The following DACH1 variants were observed in gnomAD, a reference collection of about 807,000 sequenced individuals.
The protein encoded by DACH1 is dachshund family transcription factor 1, also known as dachshund homolog 1.
DACH1 carries 12 observed loss-of-function variants against 54.2 expected under a neutral mutation model. The ratio of observed to expected loss-of-function variants is 0.22; its 90% CI spans 0.14 to 0.36. The LOEUF is 0.36. DACH1 is among the 10% of genes least tolerant of loss of function. The probability of loss-of-function intolerance (pLI) is 1.00; values close to 1 mark genes in which losing one functional copy is unlikely to be tolerated. For missense variants in DACH1, 805 were observed against 929.8 expected, an observed-to-expected ratio of 0.87 and a Z score of 1.75; for synonymous variants, 386 against 366.2, an observed-to-expected ratio of 1.05 and a Z score of -0.62.
intron 1 of DACH1, among the ~76,000 whole-genome samples, chr13:71,745,783 C>T (rs1242279120): frequency 6.6e-6 from 1 of 152,118 alleles, no homozygotes; most frequent in Non-Finnish European, 1.5e-5. Flanking sequence ...GTACTCAATC[C>T]CAATAAAACT....
intron 2 of DACH1, among the ~76,000 whole-genome samples, chr13:71,652,839 A>C (rs778197385): frequency 6.6e-6 from 1 of 152,150 alleles, no homozygotes; most frequent in Non-Finnish European, 1.5e-5. Flanking sequence ...CCATAGCATA[A>C]ACGTTAACTT....
intron 6 of DACH1, among the ~76,000 whole-genome samples, chr13:71,496,497 G>C (rs958501171): frequency 6.6e-6 from 1 of 151,590 alleles, no homozygotes; most frequent in Admixed American, 6.6e-5. Flanking sequence ...TCATTTATAA[G>C]TGGGAGCTAA....
intron 6 of DACH1, among the ~76,000 whole-genome samples, chr13:71,522,637 C>T (rs1881687378): frequency 6.6e-6 from 1 of 152,002 alleles, no homozygotes; most frequent in Admixed American, 6.6e-5. Context: ...TCACTATAAT[C>T]TCTATTTCAT....
intron 1 of DACH1, among the ~76,000 whole-genome samples, chr13:71,819,641 C>A (rs895720016): frequency 6.6e-6 from 1 of 152,108 alleles, no homozygotes; most frequent in Non-Finnish European, 1.5e-5. Context: ...TGTACACATT[C>A]CATTCTCCAC....
chr13:71,497,148 C>G (rs1015336687), intron 6 of DACH1, among the ~76,000 whole-genome samples: 1 of 151,812 alleles, frequency 6.6e-6, no homozygotes, highest in African/African-American at 2.4e-5. Flanking sequence ...TAGTTTAAAT[C>G]CAATTAGATT....
Position 71,559,836 on chromosome 13 carries a change from G to C in DACH1, c.1419C>G (p.Ser473Arg), listed in dbSNP as rs1326143765. Residue 473 changes from serine to arginine, a missense_variant, in exon 5 of 11, where the codon AGC becomes AGG. Ser to Arg is a moderately radical substitution (Grantham distance 110). This residue lies in a region of DACH1 where 472 missense variants were observed against 545.3 expected (regional missense o/e 0.87). Transcript: ENST00000613252. ...SVSSSPARTE[S>R]SSDRIPVHQN... The stretch of plus-strand genomic sequence containing the variant: ...GAGACCTACGGATTCTGTCAGAAGA[G>C]CTCTCAGTCCGAGCAGGGGAGCTGG... 6.2e-7 allele frequency: 1 copy of C among 1,613,690 alleles called. No individual in the cohort carries two copies. The highest frequency in any genetic ancestry group is 8.5e-7 in the Non-Finnish European group (1 of 1,179,932).
chr13:71,479,385 C>T, intron 7 of DACH1, 69 bp from the exon 8 acceptor site: 2 of 1,507,704 alleles, frequency 1.3e-6, no homozygotes, highest in Non-Finnish European at 9.0e-7. Flanking sequence ...TACTTAAAAG[C>T]ATTTTCAAAG....
chr13:71,461,190 A>G (rs1328183434), intron 10 of DACH1, among the ~76,000 whole-genome samples: 1 of 152,056 alleles, frequency 6.6e-6, no homozygotes, highest in Non-Finnish European at 1.5e-5. Flanking sequence ...CCTTTGCAAT[A>G]TTTATACCAC....
At chr13:71,711,467 A>G (rs1198290029) in intron 1 of DACH1, among the ~76,000 whole-genome samples, 1 of 152,128 alleles carries the variant, frequency 6.6e-6, no homozygotes, top group African/African-American at 2.4e-5. Flanking sequence ...GTCATAAACT[A>G]CTTTTTATCT....
At chr13:71,615,626 C>A (rs1875702374) in intron 3 of DACH1, among the ~76,000 whole-genome samples, 1 of 152,194 alleles carries the variant, frequency 6.6e-6, no homozygotes, top group Non-Finnish European at 1.5e-5. Context: ...CTGAGCTTGA[C>A]ACAGGCTCAG....
chr13:71,528,009 T>G (rs1229821242), intron 6 of DACH1, among the ~76,000 whole-genome samples: 3 of 152,090 alleles, frequency 2.0e-5, no homozygotes, highest in South Asian at 4.1e-4. Context: ...GAAACAATGA[T>G]TAAGGTATGC....
At chr13:71,725,735 C>A (rs1203013020) in intron 1 of DACH1, among the ~76,000 whole-genome samples, 1 of 151,738 alleles carries the variant, frequency 6.6e-6, no homozygotes, top group Non-Finnish European at 1.5e-5. Flanking sequence ...GAAAATAAAA[C>A]AAAAATGCAG....
intron 6 of DACH1, among the ~76,000 whole-genome samples, chr13:71,546,575 C>G (rs760966527): frequency 5.3e-5 from 8 of 151,892 alleles, no homozygotes; most frequent in Non-Finnish European, 7.4e-5. Context: ...AAAGTTTAAT[C>G]ACCACTTAGG....
At chr13:71,859,068 C>A (rs1049800538) in intron 1 of DACH1, among the ~76,000 whole-genome samples, 1 of 151,704 alleles carries the variant, frequency 6.6e-6, no homozygotes, top group Non-Finnish European at 1.5e-5. Flanking sequence ...ACCAATTAAA[C>A]AATGACATAG....
At chr13:71,671,940 C>A (rs1009648536) in intron 2 of DACH1, among the ~76,000 whole-genome samples, 15 of 152,218 alleles carry the variant, frequency 9.9e-5, no homozygotes, top group Middle Eastern at 6.8e-3. Flanking sequence ...CAATATGATT[C>A]TATTGTATCA....
intron 1 of DACH1, among the ~76,000 whole-genome samples, chr13:71,722,827 A>G (rs1883290741): frequency 6.6e-6 from 1 of 152,078 alleles, no homozygotes; most frequent in Non-Finnish European, 1.5e-5. Context: ...GCTTCAATAT[A>G]CTATTCGTGG....
chr13:71,631,324 G>T (rs1342561795), intron 2 of DACH1, among the ~76,000 whole-genome samples: 1 of 151,944 alleles, frequency 6.6e-6, no homozygotes, highest in East Asian at 1.9e-4. Context: ...CCATTCCATG[G>T]CCCCCAGCTG....
chr13:71,806,597 A>G (rs1887515888), intron 1 of DACH1, among the ~76,000 whole-genome samples: 1 of 152,226 alleles, frequency 6.6e-6, no homozygotes, highest in South Asian at 2.1e-4. Flanking sequence ...ACATATCAGT[A>G]CTTGTTAATG....
intron 6 of DACH1, among the ~76,000 whole-genome samples, chr13:71,506,052 A>G (rs1202798416): frequency 6.6e-6 from 1 of 152,264 alleles, no homozygotes; most frequent in East Asian, 1.9e-4. Flanking sequence ...CATTAGAAAA[A>G]TTTAAATAAA....
Sources: allele counts gnomAD v4.1 joint callset (sites outside exome capture counted in the v4.1 genomes callset), GRCh38; gene constraint gnomAD v4.1.1; regional missense constraint gnomAD v4.1.1; transcripts MANE v1.5; gene names NCBI Gene and HGNC (gene_info 2026-07-23, HGNC 2026-07-21).